The following SSH3 variants were observed in gnomAD, a reference collection of about 807,000 sequenced individuals.
SSH3 encodes slingshot protein phosphatase 3.
A neutral mutation model predicts 75.0 loss-of-function variants in SSH3; 67 were observed. The ratio of observed to expected loss-of-function variants is 0.89; its 90% CI spans 0.73 to 1.10. SSH3 has a LOEUF of 1.10. SSH3 is among the 50% of genes least tolerant of loss of function. The pLI, the probability that SSH3 is intolerant of heterozygous loss-of-function variation, is 0.00. For missense variants in SSH3, 824 were observed against 872.7 expected (o/e 0.94, Z 0.70); for synonymous variants, 318 against 349.2 (o/e 0.91, Z 1.00).
chr11:67,311,338 G>A (rs1470185546), intron 13 of SSH3, among the ~76,000 whole-genome samples: 6 of 152,120 alleles, frequency 3.9e-5, no homozygotes, highest in African/African-American at 1.4e-4. Flanking sequence ...GAGGGCTTCT[G>A]GGGGCCAGAA....
chr11:67,304,216 C>A, intron 2 of SSH3, 61 bp downstream of exon 2: 2 of 1,338,816 alleles, frequency 1.5e-6, no homozygotes, highest in Non-Finnish European at 2.1e-6. Flanking sequence ...CACGGCCGTC[C>A]TGGGCTCCAG....
At chr11:67,309,293 T>C (rs1861342456) in intron 10 of SSH3, 104 bp from the exon 11 acceptor site, 2 of 1,458,542 alleles carry the variant, frequency 1.4e-6, no homozygotes, top group Non-Finnish European at 1.9e-6. Context: ...TCCATCTGAC[T>C]TGAAACTCAG....
At chr11:67,309,647 T>G (rs1861354492) in intron 11 of SSH3, 104 bp downstream of exon 11, 20 of 1,573,304 alleles carry the variant, frequency 1.3e-5, no homozygotes, top group Non-Finnish European at 1.7e-5. Flanking sequence ...CTTCCAGCCC[T>G]CAGTGTCCTT....
In SSH3 at chr11:67,304,785, G is replaced by C; in HGVS notation, c.117G>C (p.Ala39=). The change falls in exon 3 of 14, where the codon GCG becomes GCC. Residue 39 remains alanine (A), a synonymous_variant. Transcript: ENST00000308127. The stretch of plus-strand genomic sequence containing the variant: ...ACTGCCCTGCCAGGCAGAGCTTTGC[G>C]GTGCTCCGTGGGGCTGTCCTGGGAC... ...RSRLQRRQSF[A]VLRGAVLGLQ... 3 of 1,605,378 alleles carry C rather than the reference G, an allele frequency of 1.9e-6. No individual in the cohort carries two copies. The highest frequency in any genetic ancestry group is 1.7e-6 in the Non-Finnish European group (2 of 1,176,600).
At chr11:67,311,526 C>T in intron 13 of SSH3, 65 bp from the exon 14 acceptor site, 2 of 1,591,732 alleles carry the variant, frequency 1.3e-6, no homozygotes, top group Non-Finnish European at 1.7e-6. Flanking sequence ...CTTCCCGGCT[C>T]TGTGCTTGGG....
At position 67,309,906 on chromosome 11, in the gene SSH3, C is replaced by T. The variant is rs770023721; in HGVS notation, c.1347C>T (p.Ile449=). The T allele has an allele frequency of 9.3e-6, 15 of 1,611,258 alleles. No homozygotes were observed. Among genetic ancestry groups the T allele is most frequent in the African/African-American group, 8.0e-5 (6 of 74,958 alleles). ...ALRHVQELRP[I]ARPNPGFLRQ... Reference sequence around the variant, plus strand: ...GCCACGTGCAGGAGCTCCGGCCCATCGCCCGCCCCAACCCTGGCTTCCTGC... The same window carrying T: ...GCCACGTGCAGGAGCTCCGGCCCATTGCCCGCCCCAACCCTGGCTTCCTGC... Residue 449 remains isoleucine (I), a synonymous_variant, in exon 12 of 14, where the codon ATC becomes ATT. Transcript: ENST00000308127.
Position 67,311,806 on chromosome 11 carries a change from C to T in SSH3, c.1899C>T (p.Pro633=), listed in dbSNP as rs1861422661. 1 of 1,613,522 alleles carries T rather than the reference C, an allele frequency of 6.2e-7. No individual in the cohort carries two copies. The highest frequency in any genetic ancestry group is 8.5e-7 in the Non-Finnish European group (1 of 1,179,940). ...EQGQGQGQGE[P]CISSTPRFRK... ...GGCAGGGGCAGGGGCAGGGAGAGCC[C>T]TGCATTTCCTCTACGCCCAGGTTCC... Residue 633 remains proline (P), a synonymous_variant, in exon 14 of 14, where the codon CCC becomes CCT. Transcript: ENST00000308127.
Position 67,306,925 on chromosome 11 carries a change from G to T in SSH3, c.427G>T (p.Glu143Ter), listed in dbSNP as rs754429768. ...TREGEGLSQD[E>*]TVLLGVDFPD... ...AGAAGGAGAAGGTCTGAGCCAGGAT[G>T]AGACGGTCCTCCTGGGCGTGGATTT... is the stretch of plus-strand genomic sequence containing the variant. Residue 143 changes from glutamate (E) to a stop codon, truncating the protein, a stop_gained, in exon 4 of 14, where the codon GAG becomes TAG. Transcript: ENST00000308127. LOFTEE classifies it high-confidence loss of function. 1.2e-6 allele frequency: 2 copies of T among 1,613,478 alleles called. No individual in the cohort carries two copies. The highest frequency in any genetic ancestry group is 4.5e-5 in the East Asian group (2 of 44,880).
rs540604321 is a variant in SSH3, at chr11:67,308,291, C to A, written c.1003C>A (p.His335Asn). 2 of 1,614,156 alleles carry A rather than the reference C, an allele frequency of 1.2e-6. No individual in the cohort carries two copies. The highest frequency in any genetic ancestry group is 1.7e-5 in the Admixed American group (1 of 60,012). ...GGACCGAGCCTCCCGCATCTTCCCC[C>A]ACCTCTACCTGGTGAGCTTCAGCCA... ...QRDRASRIFP[H>N]LYLGSEWNAA... The change falls in exon 9 of 14, where the codon CAC becomes AAC. Residue 335 changes from histidine (H) to asparagine (N), a missense_variant. By Grantham distance (68) the His-to-Asn change is moderately conservative (BLOSUM62 1). Coordinates refer to ENST00000308127, the MANE Select transcript of SSH3 (RefSeq NM_017857.4). This position sits in a 1 kb window ranked among gnomAD's most constrained non-coding sequence, Gnocchi z 4.9.
In SSH3 at chr11:67,304,827, CAAT is replaced by C. The variant is rs775027199; in HGVS notation, c.160_162del (p.Asn54del). ...TCCTGGGACTGCAGGATGGAGGGGA[CAAT>C]GATGATGCAGCAGAGGCCAGTTCTG... On this transcript the variant is annotated inframe_deletion, in exon 3 of 14. Coordinates refer to ENST00000308127, the MANE Select transcript of SSH3 (RefSeq NM_017857.4). 8 of 1,613,316 alleles carry C rather than the reference CAAT, an allele frequency of 5.0e-6. No individual in the cohort carries two copies. The Middle Eastern group carries it at 5.0e-4, about 100-fold the overall frequency.
chr11:67,307,524 G>A lies in SSH3; in HGVS notation c.603-25G>A. 5 of 1,610,808 alleles carry A rather than the reference G, an allele frequency of 3.1e-6. No individual in the cohort carries two copies. Among genetic ancestry groups the A allele is most frequent in the Non-Finnish European group, 4.2e-6 (5 of 1,178,150 alleles). On this transcript the variant is annotated intron_variant, in intron 6 of 13. Transcript: ENST00000308127. The surrounding 1 kb of genome is among the most constrained non-coding windows in gnomAD (Gnocchi z 4.2). ...GGGAAGGGCAGCAAGGGAACAGTGT[G>A]ACCCAGCCTCTCCTCCTGTCTCAGG...
rs953806758 is a variant in SSH3, at chr11:67,312,397, C to A, written c.*510C>A. On this transcript the variant is annotated 3_prime_UTR_variant, in exon 14 of 14. Coordinates refer to ENST00000308127, the MANE Select transcript of SSH3 (RefSeq NM_017857.4). ...AGCCGCGGGAGGCTGGAAGGGCTGGCAGATCGCTTCCCTCATCCACCTCCA... is the reference window on the plus strand; with the variant it reads ...AGCCGCGGGAGGCTGGAAGGGCTGGAAGATCGCTTCCCTCATCCACCTCCA... The A allele has an allele frequency of 6.1e-6, 1 of 164,970 alleles. No individual in the cohort carries two copies. The highest frequency in any genetic ancestry group is 2.4e-5 in the African/African-American group (1 of 41,452). 10.2% of individuals were successfully genotyped at this position (164,970 alleles called of 1,614,324 possible).
chr11:67,303,944 G>C, intron 1 of SSH3, 174 bp from the exon 2 acceptor site: 1 of 925,484 alleles, frequency 1.1e-6, no homozygotes, highest in Middle Eastern at 2.3e-4. Flanking sequence ...CCACCCAGCC[G>C]ACCTGGCCTT....
In SSH3 at chr11:67,303,710, T is replaced by G; in HGVS notation, c.66+19T>G. ...GCCCTGGGTGAGTGTGGTCCGGCCG[T>G]GGTGCCGCCCACGCAGTTGCTGCCC... On this transcript the variant is annotated intron_variant, in intron 1 of 13. Transcript: ENST00000308127. 1 of 1,470,014 alleles carries G rather than the reference T, an allele frequency of 6.8e-7. No individual in the cohort carries two copies. The highest frequency in any genetic ancestry group is 8.9e-7 in the Non-Finnish European group (1 of 1,118,042). The allele number at this position is 1,470,014 out of a possible 1,614,324, so 91.1% of individuals were successfully genotyped here. A position where few individuals can be genotyped will look rare whatever the true frequency, so the allele number is the denominator to read the frequency against.
chr11:67,308,575 G>C lies in SSH3; in HGVS notation c.1061+117G>C, dbSNP rs1861319495. The C allele has an allele frequency of 4.3e-6, 6 of 1,401,260 alleles. No individual in the cohort carries two copies. Among genetic ancestry groups the C allele is most frequent in the Non-Finnish European group, 5.9e-6 (6 of 1,024,312 alleles). The allele number at this position is 1,401,260 out of a possible 1,614,324, so 86.8% of individuals were successfully genotyped here. ...ACCACCCTCAGCAGCTGCTAGCTCT[G>C]CTTCTAACTCTGTCCTGGGGCTGTT... is the stretch of plus-strand genomic sequence containing the variant. On this transcript the variant is annotated intron_variant, in intron 10 of 13. Transcript: ENST00000308127. This position sits in a 1 kb window ranked among gnomAD's most constrained non-coding sequence, Gnocchi z 4.9.
At position 67,309,913 on chromosome 11, in the gene SSH3, C is replaced by G. The variant is rs760524211; in HGVS notation, c.1354C>G (p.Pro452Ala). Residue 452 changes from proline (P) to alanine (A), a missense_variant, in exon 12 of 14, where the codon CCC becomes GCC. Coordinates refer to ENST00000308127, the MANE Select transcript of SSH3 (RefSeq NM_017857.4). ...HVQELRPIAR[P>A]NPGFLRQLQI... Reference sequence around the variant, plus strand: ...GCAGGAGCTCCGGCCCATCGCCCGCCCCAACCCTGGCTTCCTGCGCCAGCT... The same window carrying G: ...GCAGGAGCTCCGGCCCATCGCCCGCGCCAACCCTGGCTTCCTGCGCCAGCT... 6.2e-7 allele frequency: 1 copy of G among 1,611,322 alleles called. No individual in the cohort carries two copies. Among genetic ancestry groups the G allele is most frequent in the Non-Finnish European group, 8.5e-7 (1 of 1,179,962 alleles).
In SSH3 at chr11:67,308,160, G is replaced by A. The variant is rs773161007; in HGVS notation, c.886-14G>A. ...GAGAGCCCCAGCCTCTCTTGCCCTG[G>A]GCTCTGCCTGCAGATCCGCCAGGCT... On this transcript the variant is annotated splice_polypyrimidine_tract_variant and intron_variant, in intron 8 of 13. Transcript: ENST00000308127. This position sits in a 1 kb window ranked among gnomAD's most constrained non-coding sequence, Gnocchi z 4.9. 1.9e-6 allele frequency: 3 copies of A among 1,610,926 alleles called. No homozygotes were observed. The highest frequency in any genetic ancestry group is 2.5e-6 in the Non-Finnish European group (3 of 1,178,732).
rs902155928 is a variant in SSH3, at chr11:67,310,485, G to A, written c.1683+146G>A. 6 of 1,085,628 alleles carry A rather than the reference G, an allele frequency of 5.5e-6. No individual in the cohort carries two copies. In the South Asian group the frequency reaches 1.0e-4, roughly 18 times the overall value. The allele number at this position is 1,085,628 out of a possible 1,614,324, so 67.2% of individuals were successfully genotyped here. On this transcript the variant is annotated intron_variant, in intron 13 of 13. Coordinates refer to ENST00000308127, the MANE Select transcript of SSH3 (RefSeq NM_017857.4). ...GGCCCGCCCATGCAGGGTGTCCTGG[G>A]AGGACCCAGGGGGCCTGGTCCCAGC...
Position 67,309,775 on chromosome 11 carries a change from G to A in SSH3, c.1216G>A (p.Gly406Ser). The change falls in exon 12 of 14, where the codon GGC becomes AGC. Residue 406 changes from glycine to serine, a missense_variant. By Grantham distance (56) the Gly-to-Ser change is moderately conservative. Coordinates refer to ENST00000308127, the MANE Select transcript of SSH3 (RefSeq NM_017857.4). ...HRFIEAARAQ[G>S]THVLVHCKMG... Reference sequence around the variant, plus strand: ...CCTGGCCTGCTTCCACAGAGCACAGGGCACCCACGTGCTGGTCCACTGCAA... The same window carrying A: ...CCTGGCCTGCTTCCACAGAGCACAGAGCACCCACGTGCTGGTCCACTGCAA... 3 of 1,612,958 alleles carry A rather than the reference G, an allele frequency of 1.9e-6. No homozygotes were observed. Among genetic ancestry groups the A allele is most frequent in the Non-Finnish European group, 2.5e-6 (3 of 1,180,018 alleles).
Sources: gnomAD v4.1 joint callset for allele counts (sites outside exome capture counted in the v4.1 genomes callset) on GRCh38, gnomAD v4.1.1 for gene constraint, Gnocchi (gnomAD v3.1) non-coding constraint, MANE v1.5 for transcripts, NCBI Gene and HGNC (gene_info 2026-07-23, HGNC 2026-07-21) for gene names.